The following GPR107 variants were observed in gnomAD, a reference collection of about 807,000 sequenced individuals.
GPR107 encodes protein GPR107.
GPR107 carries 31 observed loss-of-function variants against 75.5 expected under a neutral mutation model. That is an observed-to-expected ratio of 0.41 (90% confidence interval 0.31 to 0.55). The LOEUF (loss-of-function observed/expected upper bound fraction) is 0.55, where lower values mean the gene tolerates loss of function less well. Ranked by LOEUF, GPR107 falls within the 20% of genes least tolerant of loss-of-function variation. The probability of loss-of-function intolerance (pLI) is 0.26; values close to 1 mark genes in which losing one functional copy is unlikely to be tolerated. For missense variants in GPR107, 572 were observed against 665.7 expected, an observed-to-expected ratio of 0.86 and a Z score of 1.55; for synonymous variants, 267 against 251.3, an observed-to-expected ratio of 1.06 and a Z score of -0.59.
rs71387314 is a variant in GPR107 at position 130,099,868 on chromosome 9, C to CTTTTTTTTTT, written c.939+371_939+380dup. Among the ~76,000 whole-genome samples, 5 of 90,026 alleles carry CTTTTTTTTTT rather than the reference C, an allele frequency of 5.6e-5. 1 individual carries two copies. Among genetic ancestry groups the CTTTTTTTTTT allele is most frequent in the Non-Finnish European group, 8.2e-5 (4 of 48,700 alleles). The allele number at this position is 90,026 out of a possible 152,430, so 59.1% of individuals were successfully genotyped here. A position where few individuals can be genotyped will look rare whatever the true frequency, so the allele number is the denominator to read the frequency against. On this transcript the variant is annotated intron_variant, in intron 10 of 17. Coordinates refer to ENST00000347136, the MANE Select transcript of GPR107 (RefSeq NM_020960.5). Reference sequence around the variant, plus strand: ...GCCACCTGCTGACTTGTTTCCACGACTTTTTTTTTTTTTTTTTTTTTTTTT... The same window carrying CTTTTTTTTTT: ...GCCACCTGCTGACTTGTTTCCACGACTTTTTTTTTTTTTTTTTTTTTTTTTTTTTTTTTTT...
chr9:130,132,727 A>G (rs1831856555), intron 17 of GPR107, among the ~76,000 whole-genome samples: 1 of 152,054 alleles, frequency 6.6e-6, no homozygotes, highest in Non-Finnish European at 1.5e-5. Flanking sequence ...CGGAGGTTGC[A>G]GTGAGTCGAG....
rs1554899774 is a variant in GPR107 at position 130,135,235 on chromosome 9, C to T, written c.*114C>T. ...ACTATTGGCACCACCGACAGTGACA[C>T]CAGGGCACATGGCTGGAGCACAGTG... On this transcript the variant is annotated 3_prime_UTR_variant, in exon 18 of 18. Coordinates refer to ENST00000347136, the MANE Select transcript of GPR107 (RefSeq NM_020960.5). 12 of 606,038 alleles carry T rather than the reference C, an allele frequency of 2.0e-5. No individual in the cohort carries two copies. Among genetic ancestry groups the T allele is most frequent in the Non-Finnish European group, 2.9e-5 (10 of 345,668 alleles). 37.5% of individuals were successfully genotyped at this position (606,038 alleles called of 1,614,324 possible). A position where few individuals can be genotyped will look rare whatever the true frequency, so the allele number is the denominator to read the frequency against.
chr9:130,107,622 C>T (rs1831191642), intron 14 of GPR107, 83 bp downstream of exon 14: 1 of 909,120 alleles, frequency 1.1e-6, no homozygotes, highest in Non-Finnish European at 1.9e-6. Context: ...TGGAGGCAGC[C>T]TATGGTGTCA....
At chr9:130,072,508 C>T (rs1343543276) in intron 1 of GPR107, among the ~76,000 whole-genome samples, 4 of 151,964 alleles carry the variant, frequency 2.6e-5, no homozygotes, top group South Asian at 4.1e-4. Context: ...TGTGAGCCAC[C>T]GCGCCCGGCC....
intron 1 of GPR107, among the ~76,000 whole-genome samples, chr9:130,061,546 G>A (rs1465261760): frequency 6.6e-6 from 1 of 152,160 alleles, no homozygotes; most frequent in South Asian, 2.1e-4. Flanking sequence ...ATGGTAGGAT[G>A]TGTGGATTTT....
intron 5 of GPR107, among the ~76,000 whole-genome samples, chr9:130,081,008 G>T (rs1830483581): frequency 6.6e-6 from 1 of 150,796 alleles, no homozygotes; most frequent in Non-Finnish European, 1.5e-5. Flanking sequence ...CTAGGAGCTT[G>T]TACCAGCCTG....
rs1832032689 is a variant in GPR107 at position 130,139,156 on chromosome 9, G to A, written c.*4035G>A. On this transcript the variant is annotated 3_prime_UTR_variant, in exon 18 of 18. Coordinates refer to ENST00000347136, the MANE Select transcript of GPR107 (RefSeq NM_020960.5). ...TAAGTCCAGGATGCCTGTGGCCTGC[G>A]GCTTGATTCTTCCCTTTAGGATTCA... is the stretch of plus-strand genomic sequence containing the variant. 6.6e-6 allele frequency: 1 copy of A among 152,192 alleles called. No individual in the cohort carries two copies. Among genetic ancestry groups the A allele is most frequent in the Non-Finnish European group, 1.5e-5 (1 of 68,056 alleles). 9.4% of individuals were successfully genotyped at this position (152,192 alleles called of 1,614,324 possible). A position where few individuals can be genotyped will look rare whatever the true frequency, so the allele number is the denominator to read the frequency against.
intron 1 of GPR107, among the ~76,000 whole-genome samples, chr9:130,056,443 C>G (rs1290763950): frequency 7.6e-6 from 1 of 132,212 alleles, no homozygotes; most frequent in Non-Finnish European, 1.7e-5. Context: ...GAGCAAGACT[C>G]CGTCTCAAAA....
rs61429853 is a variant in GPR107 at position 130,059,733 on chromosome 9, C to CTT, written c.141+5682_141+5683dup. Among the ~76,000 whole-genome samples, 808 of 144,254 alleles carry CTT rather than the reference C, an allele frequency of 5.6e-3. 4 individuals carry two copies. Among genetic ancestry groups the CTT allele is most frequent in the African/African-American group, 0.02 (770 of 38,146 alleles). 94.6% of individuals were successfully genotyped at this position (144,254 alleles called of 152,430 possible). On this transcript the variant is annotated intron_variant, in intron 1 of 17. Transcript: ENST00000347136. Reference sequence around the variant, plus strand: ...CTCATACTGTGATCAGTTAATACGTCTTTTTTTTTTTTTTTTTTTTTTTGA... The same window carrying CTT: ...CTCATACTGTGATCAGTTAATACGTCTTTTTTTTTTTTTTTTTTTTTTTTTGA...
chr9:130,090,816 GA>G, intron 7 of GPR107, 59 bp from the exon 8 acceptor site: 3 of 622,900 alleles, frequency 4.8e-6, no homozygotes, highest in Non-Finnish European at 8.4e-6. Context: ...AAAAATAAAA[GA>G]AAAAATATAT....
chr9:130,113,582 A>G (rs73541524), intron 14 of GPR107, among the ~76,000 whole-genome samples: 256 of 152,234 alleles, frequency 1.7e-3, no homozygotes, highest in African/African-American at 5.9e-3. Context: ...GATACTAACA[A>G]TGTGATTTTT....
chr9:130,081,807 G>A (rs1830498099), intron 5 of GPR107, among the ~76,000 whole-genome samples: 1 of 152,254 alleles, frequency 6.6e-6, no homozygotes, highest in Middle Eastern at 3.4e-3. Context: ...AGTGAGCCGA[G>A]ATTGCGCCAC....
chr9:130,091,374 C>T (rs1201932177), intron 8 of GPR107, among the ~76,000 whole-genome samples: 3 of 151,950 alleles, frequency 2.0e-5, no homozygotes, highest in Non-Finnish European at 2.9e-5. Context: ...CCTCTAGTCC[C>T]GGCTACTCAG....
chr9:130,114,664 G>A, intron 14 of GPR107: 1 of 1,045,344 alleles, frequency 9.6e-7, no homozygotes, highest in Non-Finnish European at 1.2e-6. Context: ...GGGATTACAG[G>A]TGTGAGCCAC....
chr9:130,102,573 A>G (rs944195873), intron 12 of GPR107, among the ~76,000 whole-genome samples: 3 of 152,178 alleles, frequency 2.0e-5, no homozygotes, highest in African/African-American at 7.2e-5. Context: ...AGGGCCTTAA[A>G]TGTCAGCCTG....
At chr9:130,093,143 G>T (rs1830781393) in intron 9 of GPR107, among the ~76,000 whole-genome samples, 1 of 152,108 alleles carries the variant, frequency 6.6e-6, no homozygotes, top group South Asian at 2.1e-4. Context: ...TAGATTCTCT[G>T]CATTGACTTC....
rs1355782402 is a variant in GPR107, at chr9:130,138,090, C to G, written c.*2969C>G. The G allele has an allele frequency of 1.3e-5, 2 of 152,342 alleles. No individual in the cohort carries two copies. Among genetic ancestry groups the G allele is most frequent in the East Asian group, 3.9e-4 (2 of 5,182 alleles). The allele number at this position is 152,342 out of a possible 1,614,324, so 9.4% of individuals were successfully genotyped here. A position where few individuals can be genotyped will look rare whatever the true frequency, so the allele number is the denominator to read the frequency against. On this transcript the variant is annotated 3_prime_UTR_variant, in exon 18 of 18. Transcript: ENST00000347136. Reference sequence around the variant, plus strand: ...AACAGTGAGTGGCCAAGGACTTGATCAGCCCATTTCTTGGTCCCTCAGTGC... The same window carrying G: ...AACAGTGAGTGGCCAAGGACTTGATGAGCCCATTTCTTGGTCCCTCAGTGC...
intron 1 of GPR107, among the ~76,000 whole-genome samples, chr9:130,055,429 G>A (rs947779318): frequency 2.1e-4 from 31 of 151,182 alleles, no homozygotes; most frequent in African/African-American, 6.1e-4. Context: ...TCGGGAGACT[G>A]AGGCAGGAGA....
In GPR107 at chr9:130,092,496, G is replaced by A. The variant is rs1830766042; in HGVS notation, c.863+115G>A. ...CTTAGCAGTGTTGTTCCTTTCAAAGGGCATCTTCCCGGAAACAGTATGAAG... is the reference window on the plus strand; with the variant it reads ...CTTAGCAGTGTTGTTCCTTTCAAAGAGCATCTTCCCGGAAACAGTATGAAG... On this transcript the variant is annotated intron_variant, in intron 9 of 17. Coordinates refer to ENST00000347136, the MANE Select transcript of GPR107 (RefSeq NM_020960.5). The A allele has an allele frequency of 1.3e-5, 11 of 832,286 alleles. No homozygotes were observed. In the South Asian group the frequency reaches 1.6e-4, roughly 12 times the overall value. 51.6% of individuals were successfully genotyped at this position (832,286 alleles called of 1,614,324 possible). A position where few individuals can be genotyped will look rare whatever the true frequency, so the allele number is the denominator to read the frequency against.
Sources: allele counts gnomAD v4.1 joint callset (sites outside exome capture counted in the v4.1 genomes callset), GRCh38; gene constraint gnomAD v4.1.1; transcripts MANE v1.5; gene names NCBI Gene and HGNC (gene_info 2026-07-23, HGNC 2026-07-21).